The following GRHL2 variants were observed in gnomAD, a reference collection of about 807,000 sequenced individuals.
The protein encoded by GRHL2 is grainyhead like transcription factor 2.
In GRHL2, 21 loss-of-function variants were observed where a neutral mutation model predicts 83.8. That is an observed-to-expected ratio of 0.25 (90% CI 0.18 to 0.36). The LOEUF (loss-of-function observed/expected upper bound fraction) is 0.36, where lower values mean the gene tolerates loss of function less well. Ranked by LOEUF, GRHL2 falls within the 10% of genes least tolerant of loss-of-function variation. The pLI is 1.00. For synonymous variants in GRHL2, 280 were observed against 278.9 expected (o/e 1.00, Z -0.04); for missense variants, 623 against 781.8 (o/e 0.80, Z 2.42).
intron 7 of GRHL2, among the ~76,000 whole-genome samples, chr8:101,593,885 G>T (rs1563597543): frequency 6.6e-6 from 1 of 151,778 alleles, no homozygotes; most frequent in Non-Finnish European, 1.5e-5. Context: ...GGCCAACATG[G>T]TGAAACCCCA....
chr8:101,593,791 C>T (rs1388057698), intron 7 of GRHL2, among the ~76,000 whole-genome samples: 3 of 151,912 alleles, frequency 2.0e-5, no homozygotes, highest in African/African-American at 7.3e-5. Flanking sequence ...ACAGGCTGGG[C>T]ATGGTGGCTC....
At chr8:101,621,582 A>G (rs1236726189) in intron 9 of GRHL2, among the ~76,000 whole-genome samples, 7 of 152,194 alleles carry the variant, frequency 4.6e-5, no homozygotes, top group African/African-American at 1.4e-4. Context: ...GAGAGAAAAT[A>G]CAGATACAGA....
intron 2 of GRHL2, among the ~76,000 whole-genome samples, chr8:101,548,125 T>C (rs1312828865): frequency 1.3e-5 from 2 of 152,202 alleles, no homozygotes; most frequent in Non-Finnish European, 2.9e-5. Flanking sequence ...GTTGGTTGAT[T>C]TGTTTGTCCA....
chr8:101,607,395 T>C (rs1812653102), intron 8 of GRHL2, among the ~76,000 whole-genome samples: 1 of 152,210 alleles, frequency 6.6e-6, no homozygotes, highest in African/African-American at 2.4e-5. Flanking sequence ...CCCTGTGGGT[T>C]CATGACCTTG....
At chr8:101,680,538 A>G in the GRHL2 span, among the ~76,000 whole-genome samples, 2 of 123,688 alleles carry the variant, frequency 1.6e-5, no homozygotes, top group Non-Finnish European at 3.3e-5. Flanking sequence ...GTTAACAAGG[A>G]TACCCAGGAA....
rs561693958 is a variant in GRHL2, at chr8:101,543,303, C to G, written c.83C>G (p.Ala28Gly). 5.2e-5 allele frequency: 84 copies of G among 1,614,038 alleles called. 1 individual carries two copies. In the East Asian group the frequency reaches 6.9e-4, roughly 13 times the overall value. ...GACCCTCCATTCAATACCCGAAGAGCCTACACCAGTGAGGATGAAGCCTGG... is the reference window on the plus strand; with the variant it reads ...GACCCTCCATTCAATACCCGAAGAGGCTACACCAGTGAGGATGAAGCCTGG... ...PSDPPFNTRR[A>G]YTSEDEAWKS... Residue 28 changes from alanine to glycine, a missense_variant, in exon 2 of 16, where the codon GCC (alanine) becomes GGC (glycine). Transcript: ENST00000646743.
intron 1 of GRHL2, among the ~76,000 whole-genome samples, chr8:101,500,455 G>A (rs1806349101): frequency 6.6e-6 from 1 of 152,166 alleles, no homozygotes. Flanking sequence ...TATGTTGTAA[G>A]TTTCTTATAA....
At chr8:101,528,992 TTC>T in intron 1 of GRHL2, 1 of 365,548 alleles carries the variant, frequency 2.7e-6, no homozygotes, top group Non-Finnish European at 5.4e-6. Flanking sequence ...CTCTTCTGCA[TTC>T]TCTCTCCCTG....
chr8:101,659,844 A>T (rs924564547), intron 14 of GRHL2, among the ~76,000 whole-genome samples: 2 of 152,192 alleles, frequency 1.3e-5, no homozygotes, highest in African/African-American at 2.4e-5. Context: ...CAGCATTAAG[A>T]TGTTCAAGGA....
intron 8 of GRHL2, among the ~76,000 whole-genome samples, chr8:101,619,243 G>A (rs577571994): frequency 1.3e-5 from 2 of 151,920 alleles, no homozygotes; most frequent in Admixed American, 6.6e-5. Context: ...ACAGAGTGAG[G>A]CTCTGTCTCA....
At chr8:101,678,454 T>C in the GRHL2 span, among the ~76,000 whole-genome samples, 1 of 152,118 alleles carries the variant, frequency 6.6e-6, no homozygotes, top group Non-Finnish European at 1.5e-5. Context: ...TCTCGCTGAT[T>C]GCTAGCACAG....
intron 8 of GRHL2, among the ~76,000 whole-genome samples, chr8:101,603,596 G>T (rs1436587443): frequency 1.3e-5 from 2 of 152,194 alleles, no homozygotes; most frequent in Non-Finnish European, 2.9e-5. Flanking sequence ...ATGAGGTTTG[G>T]GGATTAATTC....
intron 14 of GRHL2, among the ~76,000 whole-genome samples, chr8:101,652,436 C>CT (rs1813667325): frequency 8.3e-5 from 1 of 12,092 alleles, no homozygotes; most frequent in Non-Finnish European, 1.6e-4. Context: ...GTGTGTGTGT[C>CT]TGGTGTGTGT....
chr8:101,514,713 C>G (rs762720164), intron 1 of GRHL2, among the ~76,000 whole-genome samples: 4 of 152,150 alleles, frequency 2.6e-5, no homozygotes, highest in Admixed American at 6.5e-5. Context: ...ACAACTCGAG[C>G]TTTCTGCCAG....
intron 4 of GRHL2, among the ~76,000 whole-genome samples, chr8:101,560,251 A>G (rs1037749232): frequency 3.3e-5 from 5 of 150,422 alleles, no homozygotes; most frequent in African/African-American, 1.2e-4. Flanking sequence ...CTGGTCTTGA[A>G]CTCCTGACCT....
At chr8:101,577,846 A>G (rs1287997275) in intron 7 of GRHL2, among the ~76,000 whole-genome samples, 3 of 152,244 alleles carry the variant, frequency 2.0e-5, no homozygotes, top group Admixed American at 6.5e-5. Context: ...TCAGCAGGTC[A>G]GATGAACTCT....
the GRHL2 span, among the ~76,000 whole-genome samples, chr8:101,674,841 A>G: frequency 6.6e-6 from 1 of 152,116 alleles, no homozygotes; most frequent in South Asian, 2.1e-4. Context: ...CCAGCAGCAC[A>G]TCAAAAAGCT....
chr8:101,593,452 A>C (rs528610810), intron 7 of GRHL2, among the ~76,000 whole-genome samples: 1 of 152,278 alleles, frequency 6.6e-6, no homozygotes, highest in East Asian at 1.9e-4. Flanking sequence ...TTGAAATTCA[A>C]TATGTTCACA....
chr8:101,647,155 C>G (rs947101394), intron 13 of GRHL2, among the ~76,000 whole-genome samples: 2 of 152,140 alleles, frequency 1.3e-5, no homozygotes. Context: ...GAGGCTGAGG[C>G]GGGTGGATCA....
Sources: allele counts gnomAD v4.1 joint callset (sites outside exome capture counted in the v4.1 genomes callset), GRCh38; gene constraint gnomAD v4.1.1; transcripts MANE v1.5; gene names NCBI Gene and HGNC (gene_info 2026-07-23, HGNC 2026-07-21).